The following ATF2 variants were observed in gnomAD, a reference collection of about 807,000 sequenced individuals.
ATF2 encodes the protein cyclic AMP-dependent transcription factor ATF-2.
A neutral mutation model predicts 60.6 loss-of-function variants in ATF2; 24 were observed. That is an observed-to-expected ratio of 0.40 (90% confidence interval 0.29 to 0.56). The LOEUF (loss-of-function observed/expected upper bound fraction) is 0.56, where lower values mean the gene tolerates loss of function less well. ATF2 is among the 20% of genes least tolerant of loss of function. The pLI, the probability that ATF2 is intolerant of heterozygous loss-of-function variation, is 0.54. For missense variants in ATF2, 433 were observed against 607.7 expected (o/e 0.71, Z 3.02); for synonymous variants, 206 against 215.4 (o/e 0.96, Z 0.38).
chr2:175,161,321 T>C (rs1322499054), intron 1 of ATF2, among the ~76,000 whole-genome samples: 1 of 152,246 alleles, frequency 6.6e-6, no homozygotes, highest in Non-Finnish European at 1.5e-5. Flanking sequence ...CAAGCATGCC[T>C]GGAGGGCTAG....
intron 2 of ATF2, among the ~76,000 whole-genome samples, chr2:175,138,631 T>C (rs1452181386): frequency 6.6e-6 from 1 of 152,214 alleles, no homozygotes; most frequent in Non-Finnish European, 1.5e-5. Flanking sequence ...AGTTTGCATA[T>C]TATTTTAGCT....
At chr2:175,151,937 T>C (rs1199086345) in intron 1 of ATF2, among the ~76,000 whole-genome samples, 3 of 152,126 alleles carry the variant, frequency 2.0e-5, no homozygotes, top group African/African-American at 7.2e-5. Context: ...AGCAATAGCC[T>C]CCCTTTAAGG....
chr2:175,114,356 A>C, intron 8 of ATF2: 3 of 1,261,132 alleles, frequency 2.4e-6, no homozygotes, highest in Admixed American at 3.9e-5. Flanking sequence ...AAAATGAGAA[A>C]AACTGTCATC....
intron 1 of ATF2, among the ~76,000 whole-genome samples, chr2:175,164,601 A>G (rs993347133): frequency 6.6e-6 from 1 of 152,222 alleles, no homozygotes; most frequent in Admixed American, 6.5e-5. Flanking sequence ...TTGATTTTCT[A>G]TGAAACTATC....
rs71031087 is a variant in ATF2 at position 175,075,460 on chromosome 2, C to CATAT, written c.1292-629_1292-626dup. 1.3e-3 allele frequency among the ~76,000 whole-genome samples: 197 copies of CATAT among 152,106 alleles called. 2 individuals are homozygous for CATAT. Among genetic ancestry groups the CATAT allele is most frequent in the South Asian group, 0.011 (51 of 4,812 alleles). The stretch of plus-strand genomic sequence containing the variant: ...ATAAATTGGGATTCAAGTAAAAATC[C>CATAT]ATATAAAACTCTAAACATTGCATCT... On this transcript the variant is annotated intron_variant, in intron 13 of 13. Transcript: ENST00000264110.
chr2:175,084,858 C>A (rs531122399), intron 12 of ATF2, among the ~76,000 whole-genome samples: 1 of 152,000 alleles, frequency 6.6e-6, no homozygotes, highest in Non-Finnish European at 1.5e-5. Context: ...CTTGGTATCC[C>A]CAGAGCACAG....
chr2:175,083,418 T>C (rs1414039188), intron 12 of ATF2, among the ~76,000 whole-genome samples: 1 of 152,152 alleles, frequency 6.6e-6, no homozygotes, highest in East Asian at 1.9e-4. Context: ...ATTTAATAAA[T>C]GGTGCTGGGA....
chr2:175,121,560 A>AAT lies in ATF2; in HGVS notation c.103-22_103-21dup, dbSNP rs1696950092. The stretch of plus-strand genomic sequence containing the variant: ...AAAACGCTGTGGCAAAAAGTTTTAA[A>AAT]ATATAGTTAAGATTTTCAATTTGAT... On this transcript the variant is annotated intron_variant, in intron 4 of 13. Coordinates refer to ENST00000264110, the MANE Select transcript of ATF2 (RefSeq NM_001880.4). 1 of 1,555,106 alleles carries AAT rather than the reference A, an allele frequency of 6.4e-7. No individual in the cohort carries two copies. The highest frequency in any genetic ancestry group is 8.8e-7 in the Non-Finnish European group (1 of 1,139,076).
intron 1 of ATF2, among the ~76,000 whole-genome samples, chr2:175,154,264 A>G (rs1699523280): frequency 6.6e-6 from 1 of 150,422 alleles, no homozygotes; most frequent in East Asian, 1.9e-4. Context: ...TTTTACTTTA[A>G]AATTATTTTG....
chr2:175,072,516 C>G lies in ATF2; in HGVS notation c.*2093G>C, dbSNP rs1187856090. The G allele has an allele frequency of 6.6e-6, 1 of 152,114 alleles. No individual in the cohort carries two copies. The highest frequency in any genetic ancestry group is 1.5e-5 in the Non-Finnish European group (1 of 68,004). 9.4% of individuals were successfully genotyped at this position (152,114 alleles called of 1,614,324 possible). A position where few individuals can be genotyped will look rare whatever the true frequency, so the allele number is the denominator to read the frequency against. ...TGTTAACCGTTTACATGACTTCTTACATCTATGTAGTTTTATTTTACAGTT... is the reference window on the plus strand; with the variant it reads ...TGTTAACCGTTTACATGACTTCTTAGATCTATGTAGTTTTATTTTACAGTT... On this transcript the variant is annotated 3_prime_UTR_variant, in exon 14 of 14. Transcript: ENST00000264110.
At position 175,151,112 on chromosome 2, in the gene ATF2, T is replaced by C. The variant is rs10497434; in HGVS notation, c.-96A>G. The C allele has an allele frequency of 0.11, 16,621 of 152,532 alleles. 1,215 individuals carry two copies. Among genetic ancestry groups the C allele is most frequent in the African/African-American group, 0.21 (8,755 of 41,476 alleles). The allele number at this position is 152,532 out of a possible 1,614,324, so 9.4% of individuals were successfully genotyped here. The stretch of plus-strand genomic sequence containing the variant: ...ATTTACTCTGCTTCCAGGAATACCT[T>C]AGCTGTTATCAATAAGCAGTCCTTT... On this transcript the variant is annotated 5_prime_UTR_variant, in exon 2 of 14. Transcript: ENST00000264110.
intron 2 of ATF2, among the ~76,000 whole-genome samples, chr2:175,141,896 T>C (rs183247123): frequency 2.6e-5 from 4 of 152,262 alleles, no homozygotes; most frequent in South Asian, 2.1e-4. Context: ...ATACAAACTG[T>C]TGTCAAACTT....
chr2:175,136,473 T>A lies in ATF2; in HGVS notation c.-30A>T, dbSNP rs1466619858. The A allele has an allele frequency of 6.3e-7, 1 of 1,598,132 alleles. No individual in the cohort carries two copies. Among genetic ancestry groups the A allele is most frequent in the Non-Finnish European group, 8.6e-7 (1 of 1,169,466 alleles). On this transcript the variant is annotated 5_prime_UTR_variant, in exon 3 of 14. An upstream open reading frame in the 5' UTR gains an earlier in-frame stop. Coordinates refer to ENST00000264110, the MANE Select transcript of ATF2 (RefSeq NM_001880.4). ...TGAATAACTTATCACATTCTTTTTC[T>A]CATGGCAAGAATACTGAAAAACAAA...
intron 3 of ATF2, among the ~76,000 whole-genome samples, chr2:175,135,979 C>T (rs1698114274): frequency 6.6e-6 from 1 of 150,730 alleles, no homozygotes; most frequent in African/African-American, 2.4e-5. Context: ...CAAACAAATC[C>T]GGGAAATGCT....
chr2:175,102,333 T>C (rs1048791964), intron 10 of ATF2, among the ~76,000 whole-genome samples: 1 of 152,244 alleles, frequency 6.6e-6, no homozygotes. Flanking sequence ...TTAAATTTTC[T>C]AAATCTATTA....
intron 2 of ATF2, among the ~76,000 whole-genome samples, chr2:175,142,065 T>C (rs1337953326): frequency 6.6e-6 from 1 of 151,948 alleles, no homozygotes; most frequent in African/African-American, 2.4e-5. Context: ...ATTGAGGTAA[T>C]AGGCAGTTAT....
chr2:175,075,423 A>C (rs925658119), intron 13 of ATF2, among the ~76,000 whole-genome samples: 2 of 152,156 alleles, frequency 1.3e-5, no homozygotes, highest in Non-Finnish European at 2.9e-5. Context: ...ACCAGCTGTT[A>C]TAGTTGCATG....
At chr2:175,120,696 TTA>T (rs1005842651) in intron 5 of ATF2, among the ~76,000 whole-genome samples, 3 of 151,664 alleles carry the variant, frequency 2.0e-5, no homozygotes, top group African/African-American at 4.8e-5. Context: ...GATCTGAAAT[TTA>T]TATAGTTTTG....
At chr2:175,090,033 G>A (rs916443351) in intron 12 of ATF2, among the ~76,000 whole-genome samples, 1 of 152,020 alleles carries the variant, frequency 6.6e-6, no homozygotes, top group African/African-American at 2.4e-5. Flanking sequence ...ATTTACCAAG[G>A]TGAGATTCAT....
Sources: gnomAD v4.1 joint callset for allele counts (sites outside exome capture counted in the v4.1 genomes callset) on GRCh38, gnomAD v4.1.1 for gene constraint, MANE v1.5 for transcripts, NCBI Gene and HGNC (gene_info 2026-07-23, HGNC 2026-07-21) for gene names.